The following AHI1 variants were observed in gnomAD, a reference collection of about 807,000 sequenced individuals.
AHI1 encodes the protein Abelson helper integration site 1.
A neutral mutation model predicts 149.3 loss-of-function variants in AHI1; 123 were observed. The ratio of observed to expected loss-of-function variants is 0.82; its 90% confidence interval spans 0.71 to 0.96. The LOEUF (loss-of-function observed/expected upper bound fraction) is 0.96, where lower values mean the gene tolerates loss of function less well. Among genes scored for constraint, AHI1 ranks in the 40% least tolerant of loss-of-function variants. The pLI is 0.00. For missense variants in AHI1, 1,439 were observed against 1,422.7 expected, an observed-to-expected ratio of 1.01 and a Z score of -0.18; for synonymous variants, 475 against 459.8, an observed-to-expected ratio of 1.03 and a Z score of -0.42.
At chr6:135,431,914 T>C (rs1169890875) in intron 16 of AHI1, among the ~76,000 whole-genome samples, 2 of 151,442 alleles carry the variant, frequency 1.3e-5, no homozygotes, top group African/African-American at 2.4e-5. Context: ...TGTATTAAAA[T>C]ATTCTTTCTA....
intron 9 of AHI1, among the ~76,000 whole-genome samples, chr6:135,456,376 A>G (rs1467500188): frequency 6.6e-6 from 1 of 152,038 alleles, no homozygotes; most frequent in Non-Finnish European, 1.5e-5. Flanking sequence ...CCTCGTTTCT[A>G]CAAAAAATAG....
intron 23 of AHI1, among the ~76,000 whole-genome samples, chr6:135,376,297 G>A (rs142175929): frequency 9.9e-4 from 150 of 152,166 alleles, no homozygotes; most frequent in African/African-American, 3.4e-3. Flanking sequence ...AACAAAGGAA[G>A]GTTGGGAACA....
At chr6:135,350,716 G>A (rs1791961379) in intron 24 of AHI1, among the ~76,000 whole-genome samples, 1 of 152,148 alleles carries the variant, frequency 6.6e-6, no homozygotes, top group African/African-American at 2.4e-5. Context: ...TTATGCAAAA[G>A]GTTGTGTATA....
intron 28 of AHI1, among the ~76,000 whole-genome samples, chr6:135,289,777 C>G (rs1294503232): frequency 6.6e-6 from 1 of 150,756 alleles, no homozygotes; most frequent in Non-Finnish European, 1.5e-5. Context: ...AAAATTTTGA[C>G]TCTAGTTCCT....
rs1353839788 is a variant in AHI1 at position 135,407,540 on chromosome 6, CA to C, written c.2962-2564del. Among the ~76,000 whole-genome samples the C allele has an allele frequency of 2.6e-5, 4 of 152,218 alleles. No homozygotes were observed. In the South Asian group the frequency reaches 6.2e-4, roughly 24 times the overall value. ...AAATAATGGTTTTTAAAAACCAAAG[CA>C]AAACTTTCATTTCCAAAGGCAGCTT... On this transcript the variant is annotated intron_variant, in intron 21 of 28. Transcript: ENST00000265602.
chr6:135,490,373 C>G (rs1415323188), intron 5 of AHI1: 1 of 652,086 alleles, frequency 1.5e-6, no homozygotes, highest in Non-Finnish European at 2.7e-6. Flanking sequence ...TGAGTTTCCC[C>G]ACTATCTCTG....
Position 135,411,463 on chromosome 6 carries a change from A to G in AHI1, c.2846T>C (p.Leu949Pro), listed in dbSNP as rs756470790. ...LPGIHQSQDA[L>P]CTCPKLPHQG... ...ATGGGGTAGTTTTGGACAGGTACAT[A>G]GGGCATCTTGACTTTGGTGTATTCC... Residue 949 changes from leucine (L) to proline (P), a missense_variant, in exon 21 of 29, where the codon CTA becomes CCA. Transcript: ENST00000265602. 5 of 1,613,474 alleles carry G rather than the reference A, an allele frequency of 3.1e-6. No homozygotes were observed. The Admixed American group carries it at 6.7e-5, about 22-fold the overall frequency.
rs144849450 is a variant in AHI1 at position 135,466,448 on chromosome 6, A to C, written c.190-75T>G. 1.1e-3 allele frequency: 1,442 copies of C among 1,268,568 alleles called. 5 individuals carry two copies. Among genetic ancestry groups the C allele is most frequent in the Non-Finnish European group, 1.4e-3 (1,267 of 909,280 alleles). 78.6% of individuals were successfully genotyped at this position (1,268,568 alleles called of 1,614,324 possible). ...TATATAAAGAAAAACCTAATAATTA[A>C]TATTTGACAATGTGGAATTATTGGG... On this transcript the variant is annotated intron_variant, in intron 6 of 28. Coordinates refer to ENST00000265602, the MANE Select transcript of AHI1 (RefSeq NM_001134831.2).
intron 26 of AHI1, among the ~76,000 whole-genome samples, chr6:135,313,368 C>T (rs1481985740): frequency 6.6e-6 from 1 of 152,130 alleles, no homozygotes; most frequent in Non-Finnish European, 1.5e-5. Flanking sequence ...AGATTTAAAG[C>T]CTAATTTGAG....
chr6:135,322,685 C>T (rs957148377), intron 25 of AHI1, among the ~76,000 whole-genome samples: 6 of 152,114 alleles, frequency 3.9e-5, no homozygotes, highest in Admixed American at 2.0e-4. Flanking sequence ...CATTTTTTCC[C>T]CCATAAATGA....
At chr6:135,364,452 C>T (rs1266399124) in intron 23 of AHI1, among the ~76,000 whole-genome samples, 10 of 150,818 alleles carry the variant, frequency 6.6e-5, no homozygotes, top group South Asian at 2.1e-4. Flanking sequence ...AGACGATGGG[C>T]GGCCAGGCGG....
At chr6:135,392,827 G>C (rs766771801) in intron 23 of AHI1, among the ~76,000 whole-genome samples, 3 of 152,136 alleles carry the variant, frequency 2.0e-5, no homozygotes, top group Admixed American at 1.3e-4. Context: ...TCCATGTTTA[G>C]AAATAGAGTT....
intron 5 of AHI1, among the ~76,000 whole-genome samples, chr6:135,481,313 T>C (rs1398820193): frequency 6.6e-6 from 1 of 152,246 alleles, no homozygotes; most frequent in Non-Finnish European, 1.5e-5. Context: ...AGTTGTTAAA[T>C]CATTTACTTC....
At chr6:135,389,998 T>A (rs2128478757) in intron 23 of AHI1, among the ~76,000 whole-genome samples, 1 of 117,786 alleles carries the variant, frequency 8.5e-6, no homozygotes, top group Admixed American at 8.8e-5. Flanking sequence ...TTAAATATTA[T>A]GAGTTTTTTT....
At chr6:135,417,419 ACT>A (rs770405721) in intron 20 of AHI1, among the ~76,000 whole-genome samples, 104 of 151,926 alleles carry the variant, frequency 6.8e-4, no homozygotes, top group Non-Finnish European at 1.3e-3. Flanking sequence ...TTTTCATTTT[ACT>A]CTTTTTGTCA....
chr6:135,295,328 G>A (rs953658905), intron 27 of AHI1, among the ~76,000 whole-genome samples: 8 of 152,186 alleles, frequency 5.3e-5, no homozygotes, highest in East Asian at 3.8e-4. Flanking sequence ...AGGTAAAACC[G>A]TATGGAAAAC....
Position 135,476,593 on chromosome 6 carries a change from T to C in AHI1, c.136-8959A>G, listed in dbSNP as rs531030618. 9.2e-4 allele frequency among the ~76,000 whole-genome samples: 140 copies of C among 152,300 alleles called. 1 individual carries two copies. Among genetic ancestry groups the C allele is most frequent in the Middle Eastern group, 6.8e-3 (2 of 294 alleles). ...AGGATACTAACATATCTAACTGTAA[T>C]TGCTGATTTATCTATTTCTCATTTC... On this transcript the variant is annotated intron_variant, in intron 5 of 28. Coordinates refer to ENST00000265602, the MANE Select transcript of AHI1 (RefSeq NM_001134831.2).
intron 22 of AHI1, 118 bp from the exon 23 acceptor site, chr6:135,395,014 G>C (rs1253699295): frequency 1.0e-6 from 1 of 1,000,900 alleles, no homozygotes; most frequent in Non-Finnish European, 1.4e-6. Flanking sequence ...GTCAAAAGGA[G>C]TGGTAATGAT....
chr6:135,348,216 C>T lies in AHI1; in HGVS notation c.3165+9916G>A, dbSNP rs114027604. On this transcript the variant is annotated intron_variant, in intron 24 of 28. Coordinates refer to ENST00000265602, the MANE Select transcript of AHI1 (RefSeq NM_001134831.2). The stretch of plus-strand genomic sequence containing the variant: ...ATTAGTAGTGGCAGATGGTAGATGT[C>T]CATCTAGGCAGGAAAACCAGGGTAC... Among the ~76,000 whole-genome samples the T allele has an allele frequency of 7.3e-3, 1,110 of 152,234 alleles. 20 individuals carry two copies. The highest frequency in any genetic ancestry group is 0.025 in the African/African-American group (1,056 of 41,540).
Sources: allele counts gnomAD v4.1 joint callset (sites outside exome capture counted in the v4.1 genomes callset), GRCh38; gene constraint gnomAD v4.1.1; transcripts MANE v1.5; gene names NCBI Gene and HGNC (gene_info 2026-07-23, HGNC 2026-07-21).